MYO16: variants seen among roughly 807,000 people sequenced by gnomAD.
MYO16 encodes the protein myosin XVI.
In MYO16, 94 loss-of-function variants were observed where a neutral mutation model predicts 205.3. That is an observed-to-expected ratio of 0.46 (90% CI 0.39 to 0.54). The LOEUF (loss-of-function observed/expected upper bound fraction) is 0.54, where lower values mean the gene tolerates loss of function less well. MYO16 is among the 20% of genes least tolerant of loss of function. The probability of loss-of-function intolerance (pLI) is 0.00; values close to 1 mark genes in which losing one functional copy is unlikely to be tolerated. For missense variants in MYO16, 2,315 were observed against 2,387.5 expected (o/e 0.97, Z 0.63); for synonymous variants, 988 against 954.0 (o/e 1.04, Z -0.66).
chr13:109,173,913 AAG>A (rs1491439688), intron 33 of MYO16, among the ~76,000 whole-genome samples: 46 of 137,078 alleles, frequency 3.4e-4, no homozygotes, highest in Non-Finnish European at 6.1e-4. Context: ...AAAAAAAAAA[AAG>A]AGTATCTCTG....
chr13:108,552,024 G>A, the MYO16 span, among the ~76,000 whole-genome samples: 2 of 152,304 alleles, frequency 1.3e-5, no homozygotes, highest in South Asian at 2.1e-4. Context: ...TCAGGCTGGC[G>A]GAGGGCCCAT....
At chr13:108,716,027 C>T (rs1279439944) in intron 3 of MYO16, among the ~76,000 whole-genome samples, 1 of 151,794 alleles carries the variant, frequency 6.6e-6, no homozygotes, top group East Asian at 1.9e-4. Context: ...ACACTCCTTG[C>T]TTCTCCGTAG....
chr13:108,972,476 G>A (rs937084247), intron 20 of MYO16, among the ~76,000 whole-genome samples: 2 of 138,162 alleles, frequency 1.4e-5, no homozygotes, highest in African/African-American at 5.5e-5. Flanking sequence ...CAATGCAGAT[G>A]ACTCACATGG....
At position 108,781,373 on chromosome 13, in the gene MYO16, G is replaced by A. The variant is rs565714529; in HGVS notation, c.508-4262G>A. On this transcript the variant is annotated intron_variant, in intron 4 of 34. Coordinates refer to ENST00000457511, the MANE Select transcript of MYO16 (RefSeq NM_001198950.3). ...GTGGGTAGATGAATGGCAGATAGCT[G>A]AAAGAACACTAGGGAGGTGGGGTGG... Among the ~76,000 whole-genome samples the A allele has an allele frequency of 2.0e-5, 3 of 152,326 alleles. No homozygotes were observed. The East Asian group carries it at 5.8e-4, about 29-fold the overall frequency.
the MYO16 span, among the ~76,000 whole-genome samples, chr13:108,508,253 G>GAAAA: frequency 6.9e-6 from 1 of 144,954 alleles, no homozygotes. Context: ...TTGGGCATTT[G>GAAAA]AAAAAAAAAA....
chr13:108,986,460 TAAAA>T (rs1294556585), intron 20 of MYO16, among the ~76,000 whole-genome samples: 1 of 151,494 alleles, frequency 6.6e-6, no homozygotes, highest in South Asian at 2.1e-4. Context: ...CTGTCTCTAC[TAAAA>T]AAACAAAATT....
At chr13:108,850,333 A>G (rs1877790944) in intron 10 of MYO16, among the ~76,000 whole-genome samples, 1 of 152,244 alleles carries the variant, frequency 6.6e-6, no homozygotes, top group East Asian at 1.9e-4. Context: ...AACAGCGTCC[A>G]CACAATGGAG....
intron 13 of MYO16, among the ~76,000 whole-genome samples, chr13:108,886,931 T>A (rs1337063404): frequency 1.3e-5 from 2 of 152,162 alleles, no homozygotes; most frequent in Non-Finnish European, 2.9e-5. Flanking sequence ...TTGTGTGTGC[T>A]TTCATACAGC....
intron 1 of MYO16, among the ~76,000 whole-genome samples, chr13:108,600,055 C>A (rs557381198): frequency 2.1e-3 from 317 of 152,108 alleles, no homozygotes; most frequent in African/African-American, 7.3e-3. Context: ...AATTATTCAG[C>A]TGAAAAAAAG....
the MYO16 span, among the ~76,000 whole-genome samples, chr13:108,558,050 C>G: frequency 6.6e-6 from 1 of 152,202 alleles, no homozygotes; most frequent in Admixed American, 6.5e-5. Flanking sequence ...ATTTTATTTT[C>G]AATTTTCTTA....
At chr13:108,706,396 A>T (rs1743208424) in intron 2 of MYO16, among the ~76,000 whole-genome samples, 1 of 152,200 alleles carries the variant, frequency 6.6e-6, no homozygotes, top group Admixed American at 6.5e-5. Context: ...TCTCAGTGTG[A>T]TCCTTGAGGA....
At chr13:108,763,604 C>A (rs985950963) in intron 4 of MYO16, among the ~76,000 whole-genome samples, 1 of 152,114 alleles carries the variant, frequency 6.6e-6, no homozygotes, top group Non-Finnish European at 1.5e-5. Flanking sequence ...TTAAGAATGA[C>A]TTCCAGATGG....
intron 21 of MYO16, among the ~76,000 whole-genome samples, chr13:109,006,059 T>C (rs547401626): frequency 2.6e-5 from 4 of 152,258 alleles, no homozygotes; most frequent in Non-Finnish European, 2.9e-5. Flanking sequence ...TTGGAAGCTG[T>C]CCTTATATGG....
chr13:108,836,467 G>A (rs1266365214), intron 9 of MYO16, among the ~76,000 whole-genome samples: 1 of 152,198 alleles, frequency 6.6e-6, no homozygotes, highest in Non-Finnish European at 1.5e-5. Flanking sequence ...CCCCACTTGG[G>A]CACTGCTTAA....
chr13:109,066,765 GGT>G (rs1428636322), intron 27 of MYO16, among the ~76,000 whole-genome samples: 1 of 152,136 alleles, frequency 6.6e-6, no homozygotes, highest in African/African-American at 2.4e-5. Flanking sequence ...TGGGTCAAGT[GGT>G]GTTCCAGTAA....
Position 109,000,202 on chromosome 13 carries a change from A to G in MYO16, c.2442+7754A>G, listed in dbSNP as rs115610625. ...TGTGGCTGTCCAGCTATAAAGCTCC[A>G]ATCCCAGATACGTAAACTAGGAAAA... On this transcript the variant is annotated intron_variant, in intron 21 of 34. Coordinates refer to ENST00000457511, the MANE Select transcript of MYO16 (RefSeq NM_001198950.3). Among the ~76,000 whole-genome samples, 830 of 152,342 alleles carry G rather than the reference A, an allele frequency of 5.4e-3. 11 individuals carry two copies. The highest frequency in any genetic ancestry group is 0.019 in the African/African-American group (790 of 41,586).
chr13:108,943,684 C>G (rs533248706), intron 16 of MYO16, among the ~76,000 whole-genome samples: 1 of 152,130 alleles, frequency 6.6e-6, no homozygotes, highest in East Asian at 1.9e-4. Context: ...CTCCTGACCT[C>G]AAGTGATCCA....
In MYO16 at chr13:108,743,866, A is replaced by G. The variant is rs188203979; in HGVS notation, c.507+16283A>G. 9.1e-4 allele frequency among the ~76,000 whole-genome samples: 138 copies of G among 152,224 alleles called. 3 individuals carry two copies. In the East Asian group the frequency reaches 0.025, roughly 27 times the overall value. ...ATCCAATCATTCCAAAACTTGACTC[A>G]TTAGTTGTTTAGACAATTCCTAGGT... On this transcript the variant is annotated intron_variant, in intron 4 of 34. Transcript: ENST00000457511.
rs574536477 is a variant in MYO16 at position 109,159,265 on chromosome 13, G to A, written c.5165-5636G>A. The stretch of plus-strand genomic sequence containing the variant: ...TATCTTATAATTTTAAATAAGTAAA[G>A]ATCAGCACTCAAAGGTGGATTAACA... On this transcript the variant is annotated intron_variant, in intron 32 of 34. Coordinates refer to ENST00000457511, the MANE Select transcript of MYO16 (RefSeq NM_001198950.3). Among the ~76,000 whole-genome samples, 18 of 152,292 alleles carry A rather than the reference G, an allele frequency of 1.2e-4. No individual in the cohort carries two copies. In the South Asian group the frequency reaches 3.7e-3, roughly 32 times the overall value.
Sources: allele counts gnomAD v4.1 joint callset (sites outside exome capture counted in the v4.1 genomes callset), GRCh38; gene constraint gnomAD v4.1.1; transcripts MANE v1.5; gene names NCBI Gene and HGNC (gene_info 2026-07-23, HGNC 2026-07-21).